Variants in TLE4 observed in about 807,000 individuals in gnomAD.
The protein encoded by TLE4 is TLE family member 4, transcriptional corepressor.
A neutral mutation model predicts 92.8 loss-of-function variants in TLE4; 8 were observed. The observed-to-expected ratio is 0.09, with a 90% confidence interval of 0.05 to 0.16. The LOEUF (loss-of-function observed/expected upper bound fraction) is 0.16. Ranked by LOEUF, TLE4 falls within the 10% of genes least tolerant of loss-of-function variation. TLE4 has a pLI of 1.00. For synonymous variants in TLE4, 371 were observed against 374.1 expected, an observed-to-expected ratio of 0.99 and a Z score of 0.10; for missense variants, 675 against 997.6, an observed-to-expected ratio of 0.68 and a Z score of 4.36.
At chr9:79,656,751 T>A (rs899311618) in intron 8 of TLE4, among the ~76,000 whole-genome samples, 4 of 152,248 alleles carry the variant, frequency 2.6e-5, no homozygotes, top group Non-Finnish European at 5.9e-5. Flanking sequence ...TTCTTGACGT[T>A]ACAGATTGTT....
chr9:79,602,022 A>C (rs1032781319), intron 4 of TLE4, among the ~76,000 whole-genome samples: 1 of 152,238 alleles, frequency 6.6e-6, no homozygotes, highest in Non-Finnish European at 1.5e-5. Flanking sequence ...TAGAAGCTCA[A>C]ACCAGCCATA....
At chr9:79,623,203 AT>A (rs947031383) in intron 5 of TLE4, among the ~76,000 whole-genome samples, 4 of 150,338 alleles carry the variant, frequency 2.7e-5, no homozygotes, top group African/African-American at 4.9e-5. Context: ...TTTTATTATT[AT>A]TTTTTTTTAA....
At chr9:79,619,609 A>G (rs1376207984) in intron 5 of TLE4, among the ~76,000 whole-genome samples, 1 of 152,186 alleles carries the variant, frequency 6.6e-6, no homozygotes, top group Non-Finnish European at 1.5e-5. Context: ...TCCCCTGGCA[A>G]GTATGCAGTG....
chr9:79,652,971 G>A (rs748756701), intron 7 of TLE4, 177 bp downstream of exon 7: 1 of 789,184 alleles, frequency 1.3e-6, no homozygotes. Flanking sequence ...TATTCTAGTG[G>A]TTGGCAAGAG....
intron 4 of TLE4, among the ~76,000 whole-genome samples, chr9:79,597,990 T>C (rs2044461083): frequency 1.3e-5 from 2 of 149,162 alleles, no homozygotes; most frequent in Non-Finnish European, 3.0e-5. Flanking sequence ...CCCAGCATTT[T>C]GGGAGGCTGA....
At chr9:79,679,486 C>A (rs11138326) in intron 8 of TLE4, among the ~76,000 whole-genome samples, 5 of 151,900 alleles carry the variant, frequency 3.3e-5, no homozygotes, top group Admixed American at 2.6e-4. Flanking sequence ...TTGTAAATTT[C>A]TTTGAGTTCA....
intron 4 of TLE4, among the ~76,000 whole-genome samples, chr9:79,592,810 T>TA (rs1281230194): frequency 6.6e-6 from 1 of 152,222 alleles, no homozygotes; most frequent in African/African-American, 2.4e-5. Flanking sequence ...CAACTCTGGA[T>TA]ATCAGTGATT....
chr9:79,639,439 G>A (rs563649201), intron 6 of TLE4, among the ~76,000 whole-genome samples: 43 of 152,190 alleles, frequency 2.8e-4, no homozygotes, highest in African/African-American at 1.0e-3. Flanking sequence ...TGTAGCTGTC[G>A]TAACACCACA....
At chr9:79,671,214 C>T in intron 8 of TLE4, 1 of 455,384 alleles carries the variant, frequency 2.2e-6, no homozygotes, top group Middle Eastern at 3.3e-4. Flanking sequence ...TACAGCAAAA[C>T]TACTTGCTGC....
At chr9:79,625,795 G>C (rs2052468025) in intron 5 of TLE4, among the ~76,000 whole-genome samples, 1 of 151,506 alleles carries the variant, frequency 6.6e-6, no homozygotes. Flanking sequence ...TTGCTTCAGA[G>C]AAAGAAATTT....
intron 8 of TLE4, among the ~76,000 whole-genome samples, chr9:79,656,774 T>C (rs899989024): frequency 2.8e-4 from 43 of 152,222 alleles, no homozygotes; most frequent in Non-Finnish European, 4.7e-4. Flanking sequence ...ACAGGGCAGA[T>C]TTCAGAATAG....
Position 79,628,295 on chromosome 9 carries a change from T to C in TLE4, c.390+847T>C, listed in dbSNP as rs1040512132. 2.0e-5 allele frequency among the ~76,000 whole-genome samples: 3 copies of C among 152,114 alleles called. No individual in the cohort carries two copies. In the South Asian group the frequency reaches 6.2e-4, roughly 32 times the overall value. On this transcript the variant is annotated intron_variant, in intron 6 of 19. Transcript: ENST00000376552. ...CCTCCCAAATACTTTCTTTTGTGTA[T>C]AGATTATACACAAAAGTCTTTTTTT...
At chr9:79,603,421 C>T (rs1484996226) in intron 4 of TLE4, among the ~76,000 whole-genome samples, 1 of 152,112 alleles carries the variant, frequency 6.6e-6, no homozygotes, top group Non-Finnish European at 1.5e-5. Flanking sequence ...AGCCAAAACC[C>T]TCTGTCAGCA....
At chr9:79,587,337 G>A (rs1320832720) in intron 4 of TLE4, among the ~76,000 whole-genome samples, 1 of 152,202 alleles carries the variant, frequency 6.6e-6, no homozygotes, top group African/African-American at 2.4e-5. Context: ...ATCAGAGAGT[G>A]GGAGTTCTTA....
chr9:79,698,188 T>C (rs2068781750), intron 8 of TLE4, among the ~76,000 whole-genome samples: 1 of 152,208 alleles, frequency 6.6e-6, no homozygotes, highest in Non-Finnish European at 1.5e-5. Context: ...CAAGGTCACA[T>C]AGCAAGTGTT....
chr9:79,595,806 A>G (rs1587853046), intron 4 of TLE4, among the ~76,000 whole-genome samples: 3 of 152,062 alleles, frequency 2.0e-5, no homozygotes. Flanking sequence ...GAGTGCTTCT[A>G]AATTATCTGA....
chr9:79,648,887 T>C (rs1392239915), intron 6 of TLE4, among the ~76,000 whole-genome samples: 2 of 152,010 alleles, frequency 1.3e-5, no homozygotes, highest in Admixed American at 6.6e-5. Flanking sequence ...GGAAGACAAT[T>C]GTGGGTCAAA....
At chr9:79,716,345 G>A (rs1274226448) in intron 14 of TLE4, among the ~76,000 whole-genome samples, 1 of 152,190 alleles carries the variant, frequency 6.6e-6, no homozygotes, top group Non-Finnish European at 1.5e-5. Context: ...CGCATATGCT[G>A]CCTCTTCAGA....
rs1331035910 is a variant in TLE4 at position 79,649,832 on chromosome 9, A to C, written c.391-2761A>C. 2.2e-6 allele frequency: 3 copies of C among 1,366,106 alleles called. No individual in the cohort carries two copies. The East Asian group carries it at 1.4e-4, about 62-fold the overall frequency. 84.6% of individuals were successfully genotyped at this position (1,366,106 alleles called of 1,614,324 possible). A position where few individuals can be genotyped will look rare whatever the true frequency, so the allele number is the denominator to read the frequency against. ...TTTTATCCTGTAGGAGAAAAAGAAT[A>C]AAAGTGACACACCTGGATCATTAAA... On this transcript the variant is annotated intron_variant, in intron 6 of 19. Transcript: ENST00000376552.
Sources: gnomAD v4.1 joint callset for allele counts (sites outside exome capture counted in the v4.1 genomes callset) on GRCh38, gnomAD v4.1.1 for gene constraint, MANE v1.5 for transcripts, NCBI Gene and HGNC (gene_info 2026-07-23, HGNC 2026-07-21) for gene names.